The following SLC37A2 variants were observed in gnomAD, a reference collection of about 807,000 sequenced individuals.
SLC37A2 encodes the protein glucose-6-phosphate exchanger SLC37A2.
Under a neutral mutation model 70.7 loss-of-function variants are expected in SLC37A2, and 59 were observed. The observed-to-expected ratio is 0.83, with a 90% CI of 0.68 to 1.04. The LOEUF (loss-of-function observed/expected upper bound fraction) is 1.04. Among genes scored for constraint, SLC37A2 ranks in the 50% least tolerant of loss-of-function variants. The pLI is 0.00. For missense variants in SLC37A2, 580 were observed against 658.1 expected (o/e 0.88, Z 1.30); for synonymous variants, 257 against 262.1 (o/e 0.98, Z 0.19).
chr11:125,075,117 T>C (rs1827874230), intron 1 of SLC37A2, among the ~76,000 whole-genome samples: 1 of 152,100 alleles, frequency 6.6e-6, no homozygotes, highest in Admixed American at 6.5e-5. Flanking sequence ...AGGCAATTAG[T>C]GAGAGGTGCC....
chr11:125,085,142 G>T lies in SLC37A2; in HGVS notation c.1248+3G>T. 1 of 1,613,684 alleles carries T rather than the reference G, an allele frequency of 6.2e-7. No individual in the cohort carries two copies. Among genetic ancestry groups the T allele is most frequent in the Non-Finnish European group, 8.5e-7 (1 of 1,179,856 alleles). ...CCACTGCTGTCTCTGCTGATCTGGT[G>T]AGTGGGGCCACCTCCCGAGGGCCAG... On this transcript the variant is annotated splice_donor_region_variant and intron_variant, in intron 14 of 17. Coordinates refer to ENST00000403796, the MANE Select transcript of SLC37A2 (RefSeq NM_001145290.2).
intron 10 of SLC37A2, 147 bp downstream of exon 10, chr11:125,082,481 A>T: frequency 1.4e-6 from 1 of 721,398 alleles, no homozygotes; most frequent in Non-Finnish European, 2.4e-6. Context: ...AAGGAGCTTG[A>T]TTTAGTTGTT....
chr11:125,083,775 C>T lies in SLC37A2; in HGVS notation c.977-40C>T, dbSNP rs1319125930. ...GCTGTGACACTCCAGGATGTTTGCC[C>T]CAAACCCCAGGTCTGACCACATACC... On this transcript the variant is annotated intron_variant, in intron 10 of 17. Coordinates refer to ENST00000403796, the MANE Select transcript of SLC37A2 (RefSeq NM_001145290.2). This position sits in a 1 kb window ranked among gnomAD's most constrained non-coding sequence, Gnocchi z 4.6. 1.3e-6 allele frequency: 2 copies of T among 1,592,870 alleles called. No homozygotes were observed. Among genetic ancestry groups the T allele is most frequent in the East Asian group, 2.2e-5 (1 of 44,774 alleles).
rs775119465 is a variant in SLC37A2 at position 125,063,476 on chromosome 11, C to T, written c.59+50C>T. On this transcript the variant is annotated intron_variant, in intron 1 of 17. Transcript: ENST00000403796. This position sits in a 1 kb window ranked among gnomAD's most constrained non-coding sequence, Gnocchi z 5.4. Reference sequence around the variant, plus strand: ...GTGCCGGGACCTCCTGGGCTCGGGGCTTGCAGGGGCCGCGGGGGGCCTCGG... The same window carrying T: ...GTGCCGGGACCTCCTGGGCTCGGGGTTTGCAGGGGCCGCGGGGGGCCTCGG... The T allele has an allele frequency of 1.3e-6, 2 of 1,544,990 alleles. No individual in the cohort carries two copies. Among genetic ancestry groups the T allele is most frequent in the Non-Finnish European group, 1.8e-6 (2 of 1,133,998 alleles).
intron 16 of SLC37A2, 25 bp downstream of exon 16, chr11:125,085,699 A>G: frequency 6.2e-7 from 1 of 1,604,978 alleles, no homozygotes; most frequent in Non-Finnish European, 8.5e-7. Flanking sequence ...GTACACAGAT[A>G]GGTATTGAGG....
At position 125,080,521 on chromosome 11, in the gene SLC37A2, C is replaced by T. The variant is rs968052034; in HGVS notation, c.528-93C>T. On this transcript the variant is annotated intron_variant, in intron 6 of 17. Coordinates refer to ENST00000403796, the MANE Select transcript of SLC37A2 (RefSeq NM_001145290.2). This position sits in a 1 kb window ranked among gnomAD's most constrained non-coding sequence, Gnocchi z 4.3. ...GGTGCCTCGGGGAAGCTGTAGTCAG[C>T]CCAGCTTTAGAGCTTGGCTGGGGCA... 21 of 1,246,166 alleles carry T rather than the reference C, an allele frequency of 1.7e-5. No individual in the cohort carries two copies. Among genetic ancestry groups the T allele is most frequent in the Non-Finnish European group, 2.0e-5 (19 of 948,400 alleles). 77.2% of individuals were successfully genotyped at this position (1,246,166 alleles called of 1,614,324 possible).
At chr11:125,077,187 C>T in intron 2 of SLC37A2, 43 bp from the exon 3 acceptor site, 4 of 1,489,058 alleles carry the variant, frequency 2.7e-6, no homozygotes, top group Non-Finnish European at 2.7e-6. Context: ...GCTTGCTCCC[C>T]TCTGGGTCAA....
chr11:125,085,530 G>T (rs1036934508), intron 15 of SLC37A2, 47 bp from the exon 16 acceptor site: 2 of 1,613,152 alleles, frequency 1.2e-6, no homozygotes, highest in Non-Finnish European at 8.5e-7. Context: ...CCTCCGGTGG[G>T]CAGGGGAGGT....
chr11:125,064,311 C>G (rs979822719), intron 1 of SLC37A2, among the ~76,000 whole-genome samples: 3 of 152,130 alleles, frequency 2.0e-5, no homozygotes, highest in African/African-American at 4.8e-5. Context: ...GCCTGGCCAA[C>G]ATCGTGAGAC....
intron 14 of SLC37A2, 37 bp downstream of exon 14, chr11:125,085,176 C>A (rs368313167): frequency 3.8e-6 from 6 of 1,595,824 alleles, no homozygotes; most frequent in Non-Finnish European, 5.2e-6. Context: ...AGGGACCGTT[C>A]TGGGGGCTTG....
Position 125,083,917 on chromosome 11 carries a change from C to A in SLC37A2, c.1039+40C>A. Reference sequence around the variant, plus strand: ...TGCTCTGCCAGCAGGCTCCCTTCCCCTCTTTTCTTGTGGGGTGCAGGAAGA... The same window carrying A: ...TGCTCTGCCAGCAGGCTCCCTTCCCATCTTTTCTTGTGGGGTGCAGGAAGA... On this transcript the variant is annotated intron_variant, in intron 11 of 17. Coordinates refer to ENST00000403796, the MANE Select transcript of SLC37A2 (RefSeq NM_001145290.2). The surrounding 1 kb of genome is among the most constrained non-coding windows in gnomAD (Gnocchi z 4.6). 1 of 1,599,436 alleles carries A rather than the reference C, an allele frequency of 6.3e-7. No individual in the cohort carries two copies.
chr11:125,084,364 A>G (rs1028678650), intron 12 of SLC37A2, 45 bp downstream of exon 12: 16 of 1,598,024 alleles, frequency 1.0e-5, no homozygotes, highest in Admixed American at 1.7e-5. Flanking sequence ...TGTGAGCAGG[A>G]GCCTGTGTGG....
intron 2 of SLC37A2, 136 bp from the exon 3 acceptor site, chr11:125,077,094 G>C (rs984634643): frequency 1.3e-6 from 1 of 786,608 alleles, no homozygotes; most frequent in Non-Finnish European, 2.1e-6. Flanking sequence ...CCTGCAGCCA[G>C]TTCCTGCAGG....
chr11:125,083,376 G>C lies in SLC37A2; in HGVS notation c.977-439G>C, dbSNP rs1949170190. 1 of 155,744 alleles carries C rather than the reference G, an allele frequency of 6.4e-6. No individual in the cohort carries two copies. Among genetic ancestry groups the C allele is most frequent in the South Asian group, 2.0e-4 (1 of 4,976 alleles). The allele number at this position is 155,744 out of a possible 1,614,324, so 9.6% of individuals were successfully genotyped here. Reference sequence around the variant, plus strand: ...CCAAGGCCTGTGACCTGAGGCCCCTGTGTCCCTGCAAGTCTCCTTCCTGGC... The same window carrying C: ...CCAAGGCCTGTGACCTGAGGCCCCTCTGTCCCTGCAAGTCTCCTTCCTGGC... On this transcript the variant is annotated intron_variant, in intron 10 of 17. Coordinates refer to ENST00000403796, the MANE Select transcript of SLC37A2 (RefSeq NM_001145290.2). The surrounding 1 kb of genome is among the most constrained non-coding windows in gnomAD (Gnocchi z 4.6).
chr11:125,076,833 G>T lies in SLC37A2; in HGVS notation c.136G>T (p.Val46Phe). The change falls in exon 2 of 18, where the codon GTC becomes TTC. Residue 46 changes from valine (V) to phenylalanine (F), a missense_variant. Physicochemically the swap from Val to Phe is conservative, Grantham distance 50. Transcript: ENST00000403796. The stretch of plus-strand genomic sequence containing the variant: ...CATGTCCAGGAAGCCTATCAGTATC[G>T]TCAAGGTGAGGCTGGCTGGCAGCAA... ...YHMSRKPISI[V>F]KSRLHQNCSE... is the part of the protein sequence containing the mutation. 6.2e-7 allele frequency: 1 copy of T among 1,614,080 alleles called. No individual in the cohort carries two copies. The highest frequency in any genetic ancestry group is 8.5e-7 in the Non-Finnish European group (1 of 1,180,014).
intron 1 of SLC37A2, among the ~76,000 whole-genome samples, chr11:125,067,418 T>A (rs900571124): frequency 1.3e-5 from 2 of 152,218 alleles, no homozygotes; most frequent in African/African-American, 2.4e-5. Context: ...CATTGAGAAG[T>A]CTGCACAACT....
Position 125,080,707 on chromosome 11 carries a change from G to A in SLC37A2, c.621G>A (p.Trp207Ter). The A allele has an allele frequency of 6.3e-7, 1 of 1,577,824 alleles. No homozygotes were observed. Among genetic ancestry groups the A allele is most frequent in the East Asian group, 2.4e-5 (1 of 41,422 alleles). Residue 207 changes from tryptophan to a stop codon, truncating the protein, a stop_gained, in exon 7 of 18, where the codon TGG becomes TGA. Coordinates refer to ENST00000403796, the MANE Select transcript of SLC37A2 (RefSeq NM_001145290.2). LOFTEE classifies it high-confidence loss of function. The surrounding 1 kb of genome is among the most constrained non-coding windows in gnomAD (Gnocchi z 4.3). ...LIAGIWVNGQWGLSFIVPGII... is the reference protein window; with the variant it reads ...LIAGIWVNGQ ...CCGGCATCTGGGTGAACGGGCAGTG[G>A]GGCCTGTCGTTCATCGTGCCTGGCA... is the stretch of plus-strand genomic sequence containing the variant.
At position 125,084,237 on chromosome 11, in the gene SLC37A2, G is replaced by T; in HGVS notation, c.1043G>T (p.Gly348Val). 6.2e-7 allele frequency: 1 copy of T among 1,614,192 alleles called. No individual in the cohort carries two copies. Among genetic ancestry groups the T allele is most frequent in the Non-Finnish European group, 8.5e-7 (1 of 1,180,022 alleles). The change falls in exon 12 of 18, where the codon GGC becomes GTC. Residue 348 changes from glycine (G) to valine (V), a missense_variant. Transcript: ENST00000403796. ...CGTGAGTGGCTGTGTGTTCCAGGCG[G>T]CATCGTGGCAGGGCTCGTCTCTGAC... ...TLFDVGGIIG[G>V]IVAGLVSDYT...
chr11:125,065,298 G>T (rs770343972), intron 1 of SLC37A2, among the ~76,000 whole-genome samples: 5 of 152,190 alleles, frequency 3.3e-5, no homozygotes, highest in Non-Finnish European at 7.3e-5. Flanking sequence ...GATCTCATTG[G>T]ATTTGACTTG....
Sources: gnomAD v4.1 joint callset for allele counts (sites outside exome capture counted in the v4.1 genomes callset) on GRCh38, gnomAD v4.1.1 for gene constraint, Gnocchi (gnomAD v3.1) non-coding constraint, MANE v1.5 for transcripts, NCBI Gene and HGNC (gene_info 2026-07-23, HGNC 2026-07-21) for gene names.